The following SEMA6D variants were observed in gnomAD, a reference collection of about 807,000 sequenced individuals.
The protein encoded by SEMA6D is semaphorin-6D.
In SEMA6D, 35 loss-of-function variants were observed where a neutral mutation model predicts 106.6. That is an observed-to-expected ratio of 0.33 (90% confidence interval 0.25 to 0.44). SEMA6D has a LOEUF of 0.44. Ranked by LOEUF, SEMA6D falls within the 20% of genes least tolerant of loss-of-function variation. SEMA6D has a pLI of 1.00. For missense variants in SEMA6D, 1,185 were observed against 1,345.9 expected (o/e 0.88, Z 1.87); for synonymous variants, 499 against 487.7 (o/e 1.02, Z -0.31).
intron 1 of SEMA6D, among the ~76,000 whole-genome samples, chr15:47,189,215 T>C (rs1054079285): frequency 9.9e-5 from 15 of 152,178 alleles, no homozygotes; most frequent in Non-Finnish European, 7.3e-5. Context: ...TATCATTGGC[T>C]TTCCCCTTGC....
chr15:47,589,376 C>T (rs914663765), intron 3 of SEMA6D, among the ~76,000 whole-genome samples: 1 of 152,256 alleles, frequency 6.6e-6, no homozygotes, highest in Non-Finnish European at 1.5e-5. Flanking sequence ...AACAGTCTGG[C>T]TCCAACTCTG....
Position 47,767,105 on chromosome 15 carries a change from T to G in SEMA6D, c.1765+12T>G, listed in dbSNP as rs774203245. ...CGGTCCAACATCTGGTTAGTTTTTT[T>G]TAATTTTTTTGAATTAACAACCTTT... On this transcript the variant is annotated intron_variant, in intron 17 of 18. Transcript: ENST00000536845. 2 of 1,550,562 alleles carry G rather than the reference T, an allele frequency of 1.3e-6. No homozygotes were observed. Among genetic ancestry groups the G allele is most frequent in the South Asian group, 2.4e-5 (2 of 82,676 alleles).
intron 2 of SEMA6D, among the ~76,000 whole-genome samples, chr15:47,442,347 C>T (rs2041907816): frequency 6.6e-6 from 1 of 152,066 alleles, no homozygotes; most frequent in East Asian, 1.9e-4. Context: ...CCATGATGTA[C>T]AGAAAGGGGA....
At chr15:47,450,077 T>A (rs1405055580) in intron 2 of SEMA6D, among the ~76,000 whole-genome samples, 1 of 152,042 alleles carries the variant, frequency 6.6e-6, no homozygotes, top group Non-Finnish European at 1.5e-5. Flanking sequence ...TTTTAAAAAA[T>A]AGGATTGGAA....
intron 3 of SEMA6D, among the ~76,000 whole-genome samples, chr15:47,528,128 T>TGATGTAATC (rs1293744256): frequency 2.5e-4 from 38 of 152,326 alleles, no homozygotes; most frequent in African/African-American, 7.9e-4. Flanking sequence ...ATCCTGAGTC[T>TGATGTAATC]CTGTTTTAAA....
rs546384994 is a variant in SEMA6D, at chr15:47,639,178, A to G, written c.-55+38282A>G. 8.0e-4 allele frequency among the ~76,000 whole-genome samples: 122 copies of G among 152,300 alleles called. No individual in the cohort carries two copies. The South Asian group carries it at 0.012, about 16-fold the overall frequency. On this transcript the variant is annotated intron_variant, in intron 4 of 19. Transcript: ENST00000558014. ...AGTGACTGGATGTTTTCTACAAATGAAAAGCACATGTACAGCATGAGCCTG... is the reference window on the plus strand; with the variant it reads ...AGTGACTGGATGTTTTCTACAAATGGAAAGCACATGTACAGCATGAGCCTG...
chr15:47,566,530 G>A (rs550873620), intron 3 of SEMA6D, among the ~76,000 whole-genome samples: 1 of 152,320 alleles, frequency 6.6e-6, no homozygotes, highest in Admixed American at 6.5e-5. Context: ...GTGTGTCCCT[G>A]GGGCTTCCCA....
chr15:47,642,580 G>A (rs1320785529), intron 4 of SEMA6D, among the ~76,000 whole-genome samples: 1 of 152,164 alleles, frequency 6.6e-6, no homozygotes, highest in African/African-American at 2.4e-5. Flanking sequence ...CACACATCTA[G>A]ATAGGAGCAA....
intron 3 of SEMA6D, among the ~76,000 whole-genome samples, chr15:47,556,510 A>G (rs1264822510): frequency 6.6e-6 from 1 of 152,154 alleles, no homozygotes; most frequent in African/African-American, 2.4e-5. Context: ...TATGCTGGGC[A>G]TTGTGCATGT....
chr15:47,476,794 T>C (rs1175437671), intron 3 of SEMA6D, among the ~76,000 whole-genome samples: 1 of 152,216 alleles, frequency 6.6e-6, no homozygotes, highest in Non-Finnish European at 1.5e-5. Flanking sequence ...ACTTTTTGCC[T>C]GACTCTGGTC....
chr15:47,643,771 A>G (rs1227403505), intron 4 of SEMA6D, among the ~76,000 whole-genome samples: 4 of 152,190 alleles, frequency 2.6e-5, no homozygotes, highest in Admixed American at 2.6e-4. Context: ...GAACATTCAA[A>G]ATCCTCTTCT....
chr15:47,559,759 G>A (rs938791454), intron 3 of SEMA6D, among the ~76,000 whole-genome samples: 1 of 152,122 alleles, frequency 6.6e-6, no homozygotes, highest in African/African-American at 2.4e-5. Context: ...AATGGAGAAT[G>A]CACACATTCT....
chr15:47,401,473 T>A (rs1425729559), intron 1 of SEMA6D, among the ~76,000 whole-genome samples: 1 of 152,218 alleles, frequency 6.6e-6, no homozygotes, highest in Non-Finnish European at 1.5e-5. Context: ...GTGGATAATT[T>A]GAAGCATAAA....
chr15:47,300,619 C>T (rs1344653246), intron 1 of SEMA6D, among the ~76,000 whole-genome samples: 4 of 152,124 alleles, frequency 2.6e-5, no homozygotes, highest in Non-Finnish European at 5.9e-5. Flanking sequence ...CTTTGAGGCT[C>T]CCATTCTGGT....
intron 3 of SEMA6D, among the ~76,000 whole-genome samples, chr15:47,585,787 T>A (rs916490061): frequency 2.6e-5 from 4 of 152,346 alleles, no homozygotes; most frequent in Non-Finnish European, 5.9e-5. Context: ...ATTCAATTCC[T>A]ACAGCAACCC....
chr15:47,502,572 G>A (rs557652185), intron 3 of SEMA6D, among the ~76,000 whole-genome samples: 5 of 152,276 alleles, frequency 3.3e-5, no homozygotes, highest in East Asian at 1.9e-4. Context: ...AAGGCTATAC[G>A]GTAATTGGTA....
At chr15:47,415,812 T>C (rs1330253476) in intron 2 of SEMA6D, among the ~76,000 whole-genome samples, 2 of 152,172 alleles carry the variant, frequency 1.3e-5, no homozygotes, top group Non-Finnish European at 2.9e-5. Flanking sequence ...GAACTGTTGA[T>C]CACACATCCT....
chr15:47,259,881 A>G (rs2033987749), intron 1 of SEMA6D, among the ~76,000 whole-genome samples: 1 of 151,836 alleles, frequency 6.6e-6, no homozygotes, highest in Admixed American at 6.6e-5. Context: ...TTGTTTTTAA[A>G]TAGATTATTT....
At chr15:47,658,698 GT>G (rs1369794762) in intron 4 of SEMA6D, among the ~76,000 whole-genome samples, 1 of 152,018 alleles carries the variant, frequency 6.6e-6, no homozygotes, top group Non-Finnish European at 1.5e-5. Context: ...CATAGCAATT[GT>G]TCATCACATT....
Sources: gnomAD v4.1 joint callset for allele counts (sites outside exome capture counted in the v4.1 genomes callset) on GRCh38, gnomAD v4.1.1 for gene constraint, MANE v1.5 for transcripts, NCBI Gene and HGNC (gene_info 2026-07-23, HGNC 2026-07-21) for gene names.